Variants in TFAP2B observed in about 807,000 individuals in gnomAD.
TFAP2B encodes transcription factor AP-2-beta.
TFAP2B carries 9 observed loss-of-function variants against 44.3 expected under a neutral mutation model. The observed-to-expected ratio is 0.20, with a 90% CI of 0.12 to 0.35. The LOEUF is 0.35. Among genes scored for constraint, TFAP2B ranks in the 10% least tolerant of loss-of-function variants. The probability of loss-of-function intolerance (pLI) is 1.00; values close to 1 mark genes in which losing one functional copy is unlikely to be tolerated. For missense variants in TFAP2B, 509 were observed against 600.0 expected, an observed-to-expected ratio of 0.85 and a Z score of 1.59; for synonymous variants, 270 against 263.8, an observed-to-expected ratio of 1.02 and a Z score of -0.23.
rs1232001856 is a variant in TFAP2B, at chr6:50,846,448, C to CA, written c.*3057dup. On this transcript the variant is annotated 3_prime_UTR_variant, in exon 7 of 7. Transcript: ENST00000393655. Reference sequence around the variant, plus strand: ...CTTTGAGCTTTGTTTTCAAACCAAACAGGTGAGTTGCAGCTCTCCCCCCGG... The same window carrying CA: ...CTTTGAGCTTTGTTTTCAAACCAAACAAGGTGAGTTGCAGCTCTCCCCCCGG... The CA allele has an allele frequency of 6.5e-6, 1 of 152,692 alleles. No individual in the cohort carries two copies. Among genetic ancestry groups the CA allele is most frequent in the Non-Finnish European group, 1.5e-5 (1 of 68,110 alleles). The allele number at this position is 152,692 out of a possible 1,614,324, so 9.5% of individuals were successfully genotyped here.
chr6:50,840,962 T>C (rs1271013591), intron 6 of TFAP2B, among the ~76,000 whole-genome samples: 1 of 152,240 alleles, frequency 6.6e-6, no homozygotes, highest in African/African-American at 2.4e-5. Context: ...CACGTTTCTC[T>C]TGCAGGCGCG....
At chr6:50,835,929 G>A (rs2113949341) in intron 3 of TFAP2B, 132 bp from the exon 4 acceptor site, 1 of 810,116 alleles carries the variant, frequency 1.2e-6, no homozygotes, top group Non-Finnish European at 2.2e-6. Context: ...CAGCCCCACT[G>A]GAATAAACAC....
rs1285617329 is a variant in TFAP2B at position 50,843,583 on chromosome 6, A to T, written c.*191A>T. The T allele has an allele frequency of 1.6e-6, 1 of 639,118 alleles. No homozygotes were observed. Among genetic ancestry groups the T allele is most frequent in the East Asian group, 2.9e-5 (1 of 34,764 alleles). The allele number at this position is 639,118 out of a possible 1,614,324, so 39.6% of individuals were successfully genotyped here. A position where few individuals can be genotyped will look rare whatever the true frequency, so the allele number is the denominator to read the frequency against. ...AACTGAGGCGTACAACGGAGCAACA[A>T]TATCGGTTCTCAGTGTCTATTTCAA... On this transcript the variant is annotated 3_prime_UTR_variant, in exon 7 of 7. Transcript: ENST00000393655.
In TFAP2B at chr6:50,843,570, C is replaced by A; in HGVS notation, c.*178C>A. On this transcript the variant is annotated 3_prime_UTR_variant, in exon 7 of 7. Coordinates refer to ENST00000393655, the MANE Select transcript of TFAP2B (RefSeq NM_003221.4). ...TAACTTAAAAAAAAACTGAGGCGTA[C>A]AACGGAGCAACAATATCGGTTCTCA... 1 of 680,344 alleles carries A rather than the reference C, an allele frequency of 1.5e-6. No individual in the cohort carries two copies. The highest frequency in any genetic ancestry group is 2.4e-6 in the Non-Finnish European group (1 of 417,780). The allele number at this position is 680,344 out of a possible 1,614,324, so 42.1% of individuals were successfully genotyped here. A position where few individuals can be genotyped will look rare whatever the true frequency, so the allele number is the denominator to read the frequency against.
chr6:50,819,863 CGAGGTGGGA>C (rs536654811), intron 1 of TFAP2B, among the ~76,000 whole-genome samples: 27,700 of 150,466 alleles, frequency 0.18, 2,784 homozygotes, highest in Admixed American at 0.28. Context: ...GAGAGGCGGG[CGAGGTGGGA>C]GAGGCGGCCG....
At chr6:50,819,092 C>T in intron 1 of TFAP2B, 120 bp downstream of exon 1, 1 of 1,038,052 alleles carries the variant, frequency 9.6e-7, no homozygotes, top group South Asian at 1.4e-5. Flanking sequence ...TCGGTTTTCT[C>T]AGCTTTTTTT....
Position 50,840,181 on chromosome 6 carries a change from T to A in TFAP2B, c.966T>A (p.Asp322Glu). 10 of 1,614,104 alleles carry A rather than the reference T, an allele frequency of 6.2e-6. No individual in the cohort carries two copies. Among genetic ancestry groups the A allele is most frequent in the Non-Finnish European group, 8.5e-6 (10 of 1,180,026 alleles). Residue 322 changes from aspartate to glutamate, a missense_variant, in exon 6 of 7, where the codon GAT (aspartate) becomes GAA (glutamate). Around this residue, in one of 3 missense-constraint regions of TFAP2B, gnomAD observed 168 missense variants for 183.2 expected, o/e 0.92. Transcript: ENST00000393655. Reference sequence around the variant, plus strand: ...GAGAAGCTGTTCACTTAGCTAGGGATTTTGGGTACATTTGCGAAACGGAGT... The same window carrying A: ...GAGAAGCTGTTCACTTAGCTAGGGAATTTGGGTACATTTGCGAAACGGAGT... ...VEGEAVHLAR[D>E]FGYICETEFP...
intron 1 of TFAP2B, among the ~76,000 whole-genome samples, chr6:50,819,657 A>C: frequency 6.6e-6 from 1 of 152,212 alleles, no homozygotes; most frequent in Non-Finnish European, 1.5e-5. Flanking sequence ...ACGGGTCTCT[A>C]GCACTGAGGC....
chr6:50,827,217 A>T (rs1003267962), intron 2 of TFAP2B, among the ~76,000 whole-genome samples: 2 of 152,202 alleles, frequency 1.3e-5, no homozygotes, highest in African/African-American at 4.8e-5. Context: ...TTGTCACTGT[A>T]TACACATGAT....
intron 4 of TFAP2B, among the ~76,000 whole-genome samples, chr6:50,837,387 G>A (rs544864031): frequency 6.6e-6 from 1 of 152,304 alleles, no homozygotes; most frequent in Non-Finnish European, 1.5e-5. Context: ...TTGCAGAGAT[G>A]AAGTAAAATA....
In TFAP2B at chr6:50,823,682, C is replaced by G; in HGVS notation, c.357C>G (p.Gly119=). Reference sequence around the variant, plus strand: ...GGCAAGAAGTGGGTTCGGAAGCCGGCTCTCTCCTGCCCCAGCCTCGGGCCG... The same window carrying G: ...GGCAAGAAGTGGGTTCGGAAGCCGGGTCTCTCCTGCCCCAGCCTCGGGCCG... The part of the protein sequence containing the change: ...RQRQEVGSEA[G]SLLPQPRAAL... The change falls in exon 2 of 7, where the codon GGC becomes GGG. Residue 119 remains glycine (G), a synonymous_variant. Transcript: ENST00000393655. 6.2e-7 allele frequency: 1 copy of G among 1,613,832 alleles called. No homozygotes were observed. The highest frequency in any genetic ancestry group is 8.5e-7 in the Non-Finnish European group (1 of 1,179,862).
chr6:50,838,193 A>T, intron 5 of TFAP2B, 100 bp downstream of exon 5: 1 of 1,027,312 alleles, frequency 9.7e-7, no homozygotes, highest in South Asian at 1.3e-5. Flanking sequence ...AATCGTTGTG[A>T]TTGTTGTGCT....
Position 50,843,587 on chromosome 6 carries a change from C to A in TFAP2B, c.*195C>A. 1 of 624,832 alleles carries A rather than the reference C, an allele frequency of 1.6e-6. No homozygotes were observed. The allele number at this position is 624,832 out of a possible 1,614,324, so 38.7% of individuals were successfully genotyped here. ...GAGGCGTACAACGGAGCAACAATAT[C>A]GGTTCTCAGTGTCTATTTCAAGATA... On this transcript the variant is annotated 3_prime_UTR_variant, in exon 7 of 7. Coordinates refer to ENST00000393655, the MANE Select transcript of TFAP2B (RefSeq NM_003221.4).
chr6:50,835,628 G>A (rs945865290), intron 3 of TFAP2B, among the ~76,000 whole-genome samples: 2 of 152,160 alleles, frequency 1.3e-5, no homozygotes, highest in Admixed American at 6.5e-5. Context: ...GATAATCACC[G>A]TCAGGCTTCA....
chr6:50,827,403 A>G (rs1285839179), intron 2 of TFAP2B, among the ~76,000 whole-genome samples: 3 of 152,220 alleles, frequency 2.0e-5, no homozygotes, highest in Non-Finnish European at 4.4e-5. Flanking sequence ...CACTTTTCTG[A>G]GAACAAAAGA....
intron 2 of TFAP2B, among the ~76,000 whole-genome samples, chr6:50,825,441 T>TA (rs1181145716): frequency 2.0e-5 from 3 of 152,180 alleles, no homozygotes; most frequent in Non-Finnish European, 4.4e-5. Context: ...CCGGCCCTGT[T>TA]ACCACCACCC....
chr6:50,823,250 T>G (rs1269557353), intron 1 of TFAP2B, among the ~76,000 whole-genome samples, 157 bp from the exon 2 acceptor site: 1 of 152,180 alleles, frequency 6.6e-6, no homozygotes. Flanking sequence ...AGATCCTTGC[T>G]TCCCTTGTCC....
intron 1 of TFAP2B, among the ~76,000 whole-genome samples, chr6:50,822,669 A>C (rs955702704): frequency 6.6e-6 from 1 of 152,246 alleles, no homozygotes; most frequent in African/African-American, 2.4e-5. Context: ...ATAGAAAAAC[A>C]GTCTTAGAAA....
At chr6:50,831,931 TC>T (rs1474862408) in intron 3 of TFAP2B, among the ~76,000 whole-genome samples, 5 of 152,196 alleles carry the variant, frequency 3.3e-5, no homozygotes, top group Admixed American at 3.3e-4. Flanking sequence ...TTTCAGTTCA[TC>T]CTCCATTCTC....
Sources: gnomAD v4.1 joint callset for allele counts (sites outside exome capture counted in the v4.1 genomes callset) on GRCh38, gnomAD v4.1.1 for gene constraint, gnomAD v4.1.1 regional missense constraint, MANE v1.5 for transcripts, NCBI Gene and HGNC (gene_info 2026-07-23, HGNC 2026-07-21) for gene names.